AGAP1: variants seen among roughly 807,000 people sequenced by gnomAD.
The protein encoded by AGAP1 is ArfGAP with GTPase domain, ankyrin repeat and PH domain 1, also known as arf-GAP with GTPase, ANK repeat and PH domain-containing protein 1.
A neutral mutation model predicts 105.3 loss-of-function variants in AGAP1; 29 were observed. That is an observed-to-expected ratio of 0.28 (90% CI 0.21 to 0.38). AGAP1 has a LOEUF of 0.38. AGAP1 is among the 10% of genes least tolerant of loss of function. The pLI, the probability that AGAP1 is intolerant of heterozygous loss-of-function variation, is 1.00. For missense variants in AGAP1, 998 were observed against 1,165.1 expected, an observed-to-expected ratio of 0.86 and a Z score of 2.09; for synonymous variants, 509 against 485.9, an observed-to-expected ratio of 1.05 and a Z score of -0.63.
rs1417857474 is a variant in AGAP1 at position 235,716,571 on chromosome 2, G to C, written c.223-986G>C. 6.6e-6 allele frequency among the ~76,000 whole-genome samples: 1 copy of C among 152,144 alleles called. No homozygotes were observed. Among genetic ancestry groups the C allele is most frequent in the Non-Finnish European group, 1.5e-5 (1 of 68,028 alleles). On this transcript the variant is annotated intron_variant, in intron 2 of 17. Coordinates refer to ENST00000304032, the MANE Select transcript of AGAP1 (RefSeq NM_001037131.3). This position sits in a 1 kb window ranked among gnomAD's most constrained non-coding sequence, Gnocchi z 4.0. ...ACCTGTGCCTGGGGATGGGTGCCTT[G>C]TGATGTTTTGGGCTTTTTAAGGAAT... is the stretch of plus-strand genomic sequence containing the variant.
At chr2:235,595,861 A>G (rs1235699726) in intron 1 of AGAP1, among the ~76,000 whole-genome samples, 1 of 152,222 alleles carries the variant, frequency 6.6e-6, no homozygotes, top group East Asian at 1.9e-4. Context: ...TGCCTTGCTA[A>G]GAACTGTTTA....
intron 1 of AGAP1, among the ~76,000 whole-genome samples, chr2:235,531,608 C>CTTT (rs529337320): frequency 3.7e-5 from 5 of 135,320 alleles, no homozygotes; most frequent in African/African-American, 8.2e-5. Flanking sequence ...GTAGCTTTGC[C>CTTT]TTTTTTTTTT....
At chr2:235,706,193 T>C (rs1235132370) in intron 1 of AGAP1, among the ~76,000 whole-genome samples, 2 of 152,142 alleles carry the variant, frequency 1.3e-5, no homozygotes, top group Admixed American at 6.5e-5. Context: ...GACAAGCATA[T>C]GCATATTTAT....
rs1948066563 is a variant in AGAP1 at position 235,664,521 on chromosome 2, T to C, written c.164-44658T>C. On this transcript the variant is annotated intron_variant, in intron 1 of 17. Coordinates refer to ENST00000304032, the MANE Select transcript of AGAP1 (RefSeq NM_001037131.3). This position sits in a 1 kb window ranked among gnomAD's most constrained non-coding sequence, Gnocchi z 5.7. ...GCATGAGCCACCACACTTGGCCTGA[T>C]TTAATATCTTAAGTCACCTTTGCCT... Among the ~76,000 whole-genome samples the C allele has an allele frequency of 6.6e-6, 1 of 152,170 alleles. No individual in the cohort carries two copies. Among genetic ancestry groups the C allele is most frequent in the Non-Finnish European group, 1.5e-5 (1 of 68,034 alleles).
At chr2:235,759,085 C>T (rs1240321094) in intron 6 of AGAP1, among the ~76,000 whole-genome samples, 1 of 151,904 alleles carries the variant, frequency 6.6e-6, no homozygotes, top group African/African-American at 2.4e-5. Flanking sequence ...TGAGCCATGG[C>T]ACCCGGTCAT....
intron 1 of AGAP1, among the ~76,000 whole-genome samples, chr2:235,702,574 G>A (rs962858317): frequency 1.3e-5 from 2 of 152,192 alleles, no homozygotes; most frequent in Admixed American, 6.5e-5. Flanking sequence ...AGGCCAACTG[G>A]AGTCATTTCC....
At chr2:235,848,529 T>C (rs1282122861) in intron 9 of AGAP1, among the ~76,000 whole-genome samples, 2 of 152,234 alleles carry the variant, frequency 1.3e-5, no homozygotes, top group Non-Finnish European at 2.9e-5. Flanking sequence ...TGGAAATAAT[T>C]CACAGTGAAA....
intron 13 of AGAP1, among the ~76,000 whole-genome samples, chr2:235,991,026 T>A (rs964436859): frequency 2.0e-5 from 3 of 152,182 alleles, no homozygotes; most frequent in African/African-American, 7.2e-5. Flanking sequence ...GTGGTCGGCA[T>A]CTTCCTGGCC....
intron 13 of AGAP1, among the ~76,000 whole-genome samples, chr2:236,022,117 T>A (rs1559199578): frequency 6.6e-6 from 1 of 151,018 alleles, no homozygotes; most frequent in Non-Finnish European, 1.5e-5. Context: ...AGCCAAAGCT[T>A]TCAAATGGAG....
intron 1 of AGAP1, among the ~76,000 whole-genome samples, chr2:235,617,669 T>A (rs536174413): frequency 3.3e-5 from 5 of 152,194 alleles, no homozygotes; most frequent in Non-Finnish European, 5.9e-5. Flanking sequence ...GCCACTGCAC[T>A]CCAGCCTTGG....
chr2:235,563,225 G>A (rs540307269), intron 1 of AGAP1, among the ~76,000 whole-genome samples: 64 of 152,182 alleles, frequency 4.2e-4, no homozygotes, highest in African/African-American at 1.4e-3. Context: ...CCTTGGCTGT[G>A]CCCCCCTGCC....
In AGAP1 at chr2:235,888,766, C is replaced by T. The variant is rs79248422; in HGVS notation, c.1155+5317C>T. Among the ~76,000 whole-genome samples the T allele has an allele frequency of 0.023, 3,520 of 152,108 alleles. 113 individuals are homozygous for T. The highest frequency in any genetic ancestry group is 0.081 in the African/African-American group (3,350 of 41,470). The stretch of plus-strand genomic sequence containing the variant: ...CATTTGTTGCTGTCGGGTAGAGCGG[C>T]CACCCACTGCCCCAGCCTTCCCTGT... On this transcript the variant is annotated intron_variant, in intron 10 of 17. Coordinates refer to ENST00000304032, the MANE Select transcript of AGAP1 (RefSeq NM_001037131.3). This position sits in a 1 kb window ranked among gnomAD's most constrained non-coding sequence, Gnocchi z 4.8.
rs1252335354 is a variant in AGAP1 at position 236,131,389 on chromosome 2, G to A, written c.*7267G>A. The A allele has an allele frequency of 2.0e-5, 3 of 152,280 alleles. No individual in the cohort carries two copies. Among genetic ancestry groups the A allele is most frequent in the African/African-American group, 4.8e-5 (2 of 41,450 alleles). The allele number at this position is 152,280 out of a possible 1,614,324, so 9.4% of individuals were successfully genotyped here. A position where few individuals can be genotyped will look rare whatever the true frequency, so the allele number is the denominator to read the frequency against. On this transcript the variant is annotated 3_prime_UTR_variant, in exon 18 of 18. Coordinates refer to ENST00000304032, the MANE Select transcript of AGAP1 (RefSeq NM_001037131.3). This position sits in a 1 kb window ranked among gnomAD's most constrained non-coding sequence, Gnocchi z 5.9. The stretch of plus-strand genomic sequence containing the variant: ...TGAGATGCATTTCTAGGCAGGGGCA[G>A]GGAAGGCCAACCCACCTTGCAGCCA...
chr2:235,857,589 A>G (rs955950421), intron 9 of AGAP1, among the ~76,000 whole-genome samples: 1 of 152,312 alleles, frequency 6.6e-6, no homozygotes, highest in Non-Finnish European at 1.5e-5. Flanking sequence ...TACACCAAGA[A>G]CATGGATGCA....
chr2:235,521,750 G>A (rs1398996073), intron 1 of AGAP1, among the ~76,000 whole-genome samples: 115 of 140,640 alleles, frequency 8.2e-4, no homozygotes, highest in Admixed American at 1.8e-3. Flanking sequence ...ATATGTGTGT[G>A]TGTGTGTGTG....
chr2:236,004,772 T>C (rs2125533853), intron 13 of AGAP1, among the ~76,000 whole-genome samples: 1 of 152,370 alleles, frequency 6.6e-6, no homozygotes, highest in East Asian at 1.9e-4. Context: ...TAGTAGCAAA[T>C]GTGACATATA....
intron 9 of AGAP1, among the ~76,000 whole-genome samples, chr2:235,835,152 C>T (rs971005394): frequency 2.0e-5 from 3 of 152,198 alleles, no homozygotes; most frequent in Non-Finnish European, 4.4e-5. Flanking sequence ...CCCGGGCATG[C>T]GTTTCCCACG....
Position 235,901,539 on chromosome 2 carries a change from C to G in AGAP1, c.1156-7199C>G, listed in dbSNP as rs1207451503. On this transcript the variant is annotated intron_variant, in intron 10 of 17. Transcript: ENST00000304032. The surrounding 1 kb of genome is among the most constrained non-coding windows in gnomAD (Gnocchi z 4.3). ...CAATGGCTGCTTTGCAGACATGAAG[C>G]TAGACTAGTGGTTCTCAAGACTTTG... 6.6e-6 allele frequency among the ~76,000 whole-genome samples: 1 copy of G among 152,160 alleles called. No individual in the cohort carries two copies. The highest frequency in any genetic ancestry group is 1.5e-5 in the Non-Finnish European group (1 of 68,028).
chr2:235,581,834 G>A (rs1324896386), intron 1 of AGAP1, among the ~76,000 whole-genome samples: 1 of 152,018 alleles, frequency 6.6e-6, no homozygotes, highest in Non-Finnish European at 1.5e-5. Flanking sequence ...AAAATAACAA[G>A]GTTACCATGG....
Sources: allele counts gnomAD v4.1 joint callset (sites outside exome capture counted in the v4.1 genomes callset), GRCh38; gene constraint gnomAD v4.1.1; non-coding constraint Gnocchi (gnomAD v3.1); transcripts MANE v1.5; gene names NCBI Gene and HGNC (gene_info 2026-07-23, HGNC 2026-07-21).